PTPRF: variants seen among roughly 807,000 people sequenced by gnomAD.
PTPRF encodes receptor-type tyrosine-protein phosphatase F.
Under a neutral mutation model 201.8 loss-of-function variants are expected in PTPRF, and 59 were observed. The ratio of observed to expected loss-of-function variants is 0.29; its 90% CI spans 0.24 to 0.36. PTPRF has a LOEUF of 0.36. PTPRF is among the 10% of genes least tolerant of loss of function. PTPRF has a pLI of 1.00. For missense variants in PTPRF, 2,132 were observed against 2,690.5 expected, an observed-to-expected ratio of 0.79 and a Z score of 4.59; for synonymous variants, 1,088 against 1,089.7, an observed-to-expected ratio of 1.00 and a Z score of 0.03.
At position 43,588,520 on chromosome 1, in the gene PTPRF, A is replaced by G. The variant is rs1649763407; in HGVS notation, c.680-211A>G. On this transcript the variant is annotated intron_variant, in intron 7 of 33. Coordinates refer to ENST00000359947, the MANE Select transcript of PTPRF (RefSeq NM_002840.5). This position sits in a 1 kb window ranked among gnomAD's most constrained non-coding sequence, Gnocchi z 5.3. ...CTCATTGAGTAAGTCATCGTGCTCC[A>G]GACAGTCCCTGAGTGTGGGGGCCAC... Among the ~76,000 whole-genome samples, 1 of 152,172 alleles carries G rather than the reference A, an allele frequency of 6.6e-6. No individual in the cohort carries two copies. Among genetic ancestry groups the G allele is most frequent in the South Asian group, 2.1e-4 (1 of 4,826 alleles).
At chr1:43,544,785 C>T (rs58859557) in intron 2 of PTPRF, among the ~76,000 whole-genome samples, 8,029 of 152,172 alleles carry the variant, frequency 0.053, 267 homozygotes, top group East Asian at 0.16. Context: ...AGGCCTCCTG[C>T]GCTCTTTCTC....
At chr1:43,563,278 G>C (rs957402106) in intron 5 of PTPRF, among the ~76,000 whole-genome samples, 1 of 152,114 alleles carries the variant, frequency 6.6e-6, no homozygotes, top group Non-Finnish European at 1.5e-5. Flanking sequence ...TCTGGGGCTG[G>C]GTAGGTGGGG....
intron 23 of PTPRF, 82 bp from the exon 24 acceptor site, chr1:43,617,363 C>A: frequency 1.3e-6 from 2 of 1,573,956 alleles, no homozygotes; most frequent in South Asian, 1.1e-5. Flanking sequence ...TGAGCATCAC[C>A]GGGAAGGCTG....
In PTPRF at chr1:43,603,719, A is replaced by G. The variant is rs1308478616; in HGVS notation, c.2567A>G (p.Gln856Arg). Residue 856 changes from glutamine (Q) to arginine (R), a missense_variant, in exon 16 of 34, where the codon CAG becomes CGG. Physicochemically the swap from Gln to Arg is conservative, Grantham distance 43. Coordinates refer to ENST00000359947, the MANE Select transcript of PTPRF (RefSeq NM_002840.5). This position sits in a 1 kb window ranked among gnomAD's most constrained non-coding sequence, Gnocchi z 5.8. ...LPGELLGYRL[Q>R]YCRADEARPN... is the part of the protein sequence containing the mutation. ...GGCGAGCTGCTGGGCTACCGGCTGC[A>G]GTACTGCCGGGCCGACGAGGCGCGG... 1 of 1,613,786 alleles carries G rather than the reference A, an allele frequency of 6.2e-7. No individual in the cohort carries two copies. The highest frequency in any genetic ancestry group is 8.5e-7 in the Non-Finnish European group (1 of 1,180,026).
chr1:43,619,068 C>T lies in PTPRF; in HGVS notation c.4512C>T (p.Arg1504=), dbSNP rs1143701. 1,198,198 of 1,613,388 alleles carry T rather than the reference C, an allele frequency of 0.74. 449,273 individuals are homozygous for T. The highest frequency in any genetic ancestry group is 0.92 in the African/African-American group (69,193 of 74,932). ...ALHKSGSSEK[R]ELRQFQFMAW... Reference sequence around the variant, plus strand: ...CCCAGAGTGGCTCCAGTGAGAAGCGCGAGCTGCGTCAGTTTCAGTTCATGG... The same window carrying T: ...CCCAGAGTGGCTCCAGTGAGAAGCGTGAGCTGCGTCAGTTTCAGTTCATGG... Residue 1504 remains arginine, a synonymous_variant, in exon 27 of 34, where the codon CGC becomes CGT. Coordinates refer to ENST00000359947, the MANE Select transcript of PTPRF (RefSeq NM_002840.5).
At chr1:43,583,065 A>G in intron 7 of PTPRF, 1 of 985,302 alleles carries the variant, frequency 1.0e-6, no homozygotes, top group Non-Finnish European at 1.2e-6. Flanking sequence ...CCATCAACCC[A>G]AACTCTCATC....
chr1:43,526,083 G>A (rs1269819389), upstream of PTPRF, among the ~76,000 whole-genome samples: 1 of 152,110 alleles, frequency 6.6e-6, no homozygotes, highest in African/African-American at 2.4e-5. Flanking sequence ...GGGGAATAGA[G>A]AGCAAAGCCT....
At position 43,545,997 on chromosome 1, in the gene PTPRF, G is replaced by A. The variant is rs548798713; in HGVS notation, c.91+831G>A. The stretch of plus-strand genomic sequence containing the variant: ...CAGATTTAGCCAATCTGCAGGCTGA[G>A]GGGGAGGGGCGAGGTCGGAGCCAAG... On this transcript the variant is annotated intron_variant, in intron 3 of 33. Transcript: ENST00000359947. Among the ~76,000 whole-genome samples, 3 of 152,302 alleles carry A rather than the reference G, an allele frequency of 2.0e-5. No homozygotes were observed. In the South Asian group the frequency reaches 6.2e-4, roughly 32 times the overall value.
chr1:43,539,445 G>T (rs1644225908), intron 2 of PTPRF, among the ~76,000 whole-genome samples: 1 of 152,224 alleles, frequency 6.6e-6, no homozygotes, highest in Admixed American at 6.5e-5. Flanking sequence ...CGAAGGCAGA[G>T]CCTGTGACTC....
At position 43,612,728 on chromosome 1, in the gene PTPRF, G is replaced by A. The variant is rs149472855; in HGVS notation, c.3974-890G>A. On this transcript the variant is annotated intron_variant, in intron 22 of 33. Transcript: ENST00000359947. ...TTAACGGGCTTTCTTTTCTTGCCCC[G>A]TTGTTTTTTTCGTTTGTTTGTTTGT... 679 of 1,353,186 alleles carry A rather than the reference G, an allele frequency of 5.0e-4. 3 individuals carry two copies. The African/African-American group carries it at 8.2e-3, about 16-fold the overall frequency. 83.8% of individuals were successfully genotyped at this position (1,353,186 alleles called of 1,614,324 possible). A position where few individuals can be genotyped will look rare whatever the true frequency, so the allele number is the denominator to read the frequency against.
rs371128235 is a variant in PTPRF at position 43,553,698 on chromosome 1, A to G, written c.237+61A>G. 634 of 1,609,926 alleles carry G rather than the reference A, an allele frequency of 3.9e-4. 7 individuals are homozygous for G. In the South Asian group the frequency reaches 6.7e-3, roughly 17 times the overall value. On this transcript the variant is annotated intron_variant, in intron 4 of 33. Coordinates refer to ENST00000359947, the MANE Select transcript of PTPRF (RefSeq NM_002840.5). The surrounding 1 kb of genome is among the most constrained non-coding windows in gnomAD (Gnocchi z 4.1). Reference sequence around the variant, plus strand: ...GGGTCTGCCCACACTCTCTCCTTTCAGTGTCCCTCCTCATGGACCTTTTGG... The same window carrying G: ...GGGTCTGCCCACACTCTCTCCTTTCGGTGTCCCTCCTCATGGACCTTTTGG...
chr1:43,611,809 G>T (rs1458939704), intron 22 of PTPRF, among the ~76,000 whole-genome samples: 1 of 152,176 alleles, frequency 6.6e-6, no homozygotes, highest in African/African-American at 2.4e-5. Context: ...GAGAGGTAAG[G>T]GTGGCTCTGC....
chr1:43,596,935 G>A (rs750264543), intron 11 of PTPRF, among the ~76,000 whole-genome samples: 2 of 151,990 alleles, frequency 1.3e-5, no homozygotes, highest in Non-Finnish European at 2.9e-5. Flanking sequence ...ACCAAGACAC[G>A]GGTATGTGAT....
At chr1:43,620,346 G>A in intron 30 of PTPRF, 108 bp from the exon 31 acceptor site, 1 of 1,528,166 alleles carries the variant, frequency 6.5e-7, no homozygotes, top group Non-Finnish European at 8.9e-7. Context: ...ATGGCCTCAG[G>A]CGCCCGTTAT....
intron 2 of PTPRF, among the ~76,000 whole-genome samples, chr1:43,539,622 G>C (rs1356365087): frequency 2.0e-5 from 3 of 152,232 alleles, no homozygotes; most frequent in African/African-American, 7.2e-5. Context: ...GTTATGTAGA[G>C]GGTGCAGCAA....
At chr1:43,565,241 A>G (rs779249080) in intron 5 of PTPRF, among the ~76,000 whole-genome samples, 45 of 152,112 alleles carry the variant, frequency 3.0e-4, no homozygotes, top group Admixed American at 7.2e-4. Flanking sequence ...CCAAGCGCTC[A>G]TCCACTTCTG....
At chr1:43,534,818 A>G (rs949026211) in intron 1 of PTPRF, among the ~76,000 whole-genome samples, 2 of 152,146 alleles carry the variant, frequency 1.3e-5, no homozygotes, top group Non-Finnish European at 2.9e-5. Context: ...CTCGAGTTTT[A>G]TACTGCTAGG....
chr1:43,540,307 C>T (rs573505659), intron 2 of PTPRF, among the ~76,000 whole-genome samples: 15 of 152,300 alleles, frequency 9.8e-5, no homozygotes, highest in African/African-American at 3.4e-4. Flanking sequence ...TTTCACTATA[C>T]TGTACAAACC....
chr1:43,607,031 G>A (rs1330896592), intron 21 of PTPRF, 63 bp downstream of exon 21: 23 of 1,583,538 alleles, frequency 1.5e-5, no homozygotes, highest in South Asian at 1.0e-4. Flanking sequence ...GGCCCTCTCC[G>A]GGTGTGGTGC....
Sources: allele counts gnomAD v4.1 joint callset (sites outside exome capture counted in the v4.1 genomes callset), GRCh38; gene constraint gnomAD v4.1.1; non-coding constraint Gnocchi (gnomAD v3.1); transcripts MANE v1.5; gene names NCBI Gene and HGNC (gene_info 2026-07-23, HGNC 2026-07-21).